The following GOLGA6L9 variants were observed in gnomAD, a reference collection of about 807,000 sequenced individuals.
GOLGA6L9 encodes golgin A6 family like 9, also known as golgin subfamily A member 6-like protein 9.
In GOLGA6L9, 19 loss-of-function variants were observed where a neutral mutation model predicts 51.3. That is an observed-to-expected ratio of 0.37 (90% CI 0.26 to 0.54). The LOEUF (loss-of-function observed/expected upper bound fraction) is 0.54. Among genes scored for constraint, GOLGA6L9 ranks in the 20% least tolerant of loss-of-function variants. GOLGA6L9 has a pLI of 0.83. For synonymous variants in GOLGA6L9, 97 were observed against 184.2 expected (o/e 0.53, Z 3.83); for missense variants, 247 against 464.1 (o/e 0.53, Z 4.30).
upstream of GOLGA6L9, among the ~76,000 whole-genome samples, chr15:82,429,352 G>C (rs1188762512): frequency 6.6e-6 from 1 of 152,136 alleles, no homozygotes; most frequent in Non-Finnish European, 1.5e-5. Flanking sequence ...TGGCATTACA[G>C]GGGTGAGCCA....
chr15:82,423,889 A>G, the GOLGA6L9 span, among the ~76,000 whole-genome samples: 1 of 129,454 alleles, frequency 7.7e-6, no homozygotes, highest in Non-Finnish European at 1.7e-5. Flanking sequence ...GCTGTTTTCC[A>G]TACTAGACCA....
Position 82,429,818 on chromosome 15 carries a change from T to C in GOLGA6L9, c.-262T>C, listed in dbSNP as rs382083. Among the ~76,000 whole-genome samples the C allele has an allele frequency of 0.47, 71,517 of 151,928 alleles. 17,753 individuals are homozygous for C. The highest frequency in any genetic ancestry group is 0.64 in the African/African-American group (26,444 of 41,384). On this transcript the variant is annotated 5_prime_UTR_variant, in exon 1 of 9. Transcript: ENST00000618348. ...CTCCCCTCTCCCAGAGTGGGCGGCC[T>C]CTCCCCTCTCTCTGAGTGGGCGGGG...
the GOLGA6L9 span, among the ~76,000 whole-genome samples, chr15:82,418,233 T>C: frequency 3.3e-5 from 5 of 152,224 alleles, no homozygotes; most frequent in Admixed American, 1.3e-4. Context: ...GTTTAGTCAA[T>C]GCAAGGATGC....
At chr15:82,431,525 G>A (rs2031398704) in intron 1 of GOLGA6L9, 6 of 235,876 alleles carry the variant, frequency 2.5e-5, no homozygotes, top group African/African-American at 1.5e-4. Context: ...CTTAATGTGT[G>A]CTTTTCTACC....
chr15:82,420,429 C>CTT, the GOLGA6L9 span, among the ~76,000 whole-genome samples: 2 of 151,800 alleles, frequency 1.3e-5, no homozygotes, highest in Admixed American at 6.6e-5. Flanking sequence ...TCCTGATGAA[C>CTT]TTTTATGTGC....
Position 82,434,068 on chromosome 15 carries a change from A to C in GOLGA6L9, c.468A>C (p.Pro156=), listed in dbSNP as rs1427344520. ...TGGCCCCACAGCCCCCAGCAGGGCC[A>C]TCTAAGATGGAGCAGCTACAAGATG... The part of the protein sequence containing the change: ...EPLAPQPPAG[P]SKMEQLQDET... Residue 156 remains proline (P), a synonymous_variant, in exon 6 of 9, where the codon CCA becomes CCC. Coordinates refer to ENST00000618348, the MANE Select transcript of GOLGA6L9 (RefSeq NM_198181.4). 1.3e-6 allele frequency: 2 copies of C among 1,493,764 alleles called. No homozygotes were observed. Among genetic ancestry groups the C allele is most frequent in the Admixed American group, 4.2e-5 (2 of 47,470 alleles). 92.5% of individuals were successfully genotyped at this position (1,493,764 alleles called of 1,614,324 possible).
chr15:82,419,374 C>T, the GOLGA6L9 span: 1 of 150,504 alleles, frequency 6.6e-6, no homozygotes, highest in Non-Finnish European at 1.5e-5. Flanking sequence ...GTAGCTCCTA[C>T]TTTCAAGAAT....
the GOLGA6L9 span, chr15:82,418,644 T>G: frequency 1.3e-5 from 2 of 152,232 alleles, no homozygotes; most frequent in Non-Finnish European, 2.9e-5. Context: ...AGAAGTTGTC[T>G]TTGGTTCAGA....
Position 82,434,137 on chromosome 15 carries a change from G to C in GOLGA6L9, c.537G>C (p.Gln179His). The change falls in exon 6 of 9, where the codon CAG (glutamine) becomes CAC (histidine). Residue 179 changes from glutamine to histidine, a missense_variant. Physicochemically the swap from Gln to His is conservative, Grantham distance 24. Coordinates refer to ENST00000618348, the MANE Select transcript of GOLGA6L9 (RefSeq NM_198181.4). Reference sequence around the variant, plus strand: ...AGGAGCTAGAGAGTGTGGGAAGACAGCTCCAGGCTGAGGTGGAAAACAATC... The same window carrying C: ...AGGAGCTAGAGAGTGTGGGAAGACACCTCCAGGCTGAGGTGGAAAACAATC... ...LRKELESVGRQLQAEVENNQM... is the reference protein window; with the variant it reads ...LRKELESVGRHLQAEVENNQM... The C allele has an allele frequency of 6.5e-7, 1 of 1,533,408 alleles. No individual in the cohort carries two copies. The allele number at this position is 1,533,408 out of a possible 1,614,324, so 95.0% of individuals were successfully genotyped here. A position where few individuals can be genotyped will look rare whatever the true frequency, so the allele number is the denominator to read the frequency against.
chr15:82,416,251 T>G, the GOLGA6L9 span, among the ~76,000 whole-genome samples: 1 of 152,156 alleles, frequency 6.6e-6, no homozygotes, highest in African/African-American at 2.4e-5. Context: ...GTAGGATTCA[T>G]GTAGAAGAGT....
Position 82,436,451 on chromosome 15 carries a change from A to C in GOLGA6L9, c.*40A>C, listed in dbSNP as rs2031680376. On this transcript the variant is annotated 3_prime_UTR_variant, in exon 9 of 9. Coordinates refer to ENST00000618348, the MANE Select transcript of GOLGA6L9 (RefSeq NM_198181.4). The stretch of plus-strand genomic sequence containing the variant: ...ATTGAAAAAAAAAAACAAAACATTT[A>C]AGGGGTTAATATCCTACACAATTCA... 1.3e-6 allele frequency: 2 copies of C among 1,515,096 alleles called. No homozygotes were observed. Among genetic ancestry groups the C allele is most frequent in the Non-Finnish European group, 1.8e-6 (2 of 1,111,204 alleles). The allele number at this position is 1,515,096 out of a possible 1,614,324, so 93.9% of individuals were successfully genotyped here.
the GOLGA6L9 span, among the ~76,000 whole-genome samples, chr15:82,418,477 A>G: frequency 1.3e-5 from 2 of 152,258 alleles, no homozygotes; most frequent in Admixed American, 6.5e-5. Context: ...TTCTAAAACT[A>G]TCATTCCCTT....
At chr15:82,429,215 CA>C (rs1208937044), upstream of GOLGA6L9, among the ~76,000 whole-genome samples, 1 of 151,620 alleles carries the variant, frequency 6.6e-6, no homozygotes, top group Non-Finnish European at 1.5e-5. Flanking sequence ...GCTGGGATTA[CA>C]AGCACCCACC....
the GOLGA6L9 span, among the ~76,000 whole-genome samples, chr15:82,418,271 C>T: frequency 6.6e-6 from 1 of 152,174 alleles, no homozygotes. Context: ...GGAAGATGCG[C>T]AGGCTAGAGT....
upstream of GOLGA6L9, among the ~76,000 whole-genome samples, chr15:82,429,813 C>T (rs1175986259): frequency 6.6e-5 from 10 of 152,112 alleles, no homozygotes; most frequent in African/African-American, 1.9e-4. Flanking sequence ...CCAGAGTGGG[C>T]GGCCTCTCCC....
chr15:82,433,011 G>A (rs2150827905), intron 4 of GOLGA6L9, 114 bp downstream of exon 4: 1 of 1,028,330 alleles, frequency 9.7e-7, no homozygotes, highest in African/African-American at 1.6e-5. Context: ...CAAATGGGGA[G>A]CTGGGCACCC....
intron 2 of GOLGA6L9, 106 bp from the exon 3 acceptor site, chr15:82,432,466 G>C (rs1317293939): frequency 1.4e-6 from 2 of 1,407,478 alleles, no homozygotes; most frequent in Non-Finnish European, 1.9e-6. Context: ...TTCCAAGATA[G>C]GCAGAAAAGA....
rs2150829696 is a variant in GOLGA6L9 at position 82,434,318 on chromosome 15, G to T, written c.718G>T (p.Glu240Ter). 4 of 1,544,096 alleles carry T rather than the reference G, an allele frequency of 2.6e-6. No individual in the cohort carries two copies. The East Asian group carries it at 9.5e-5, about 37-fold the overall frequency. ...ACAGGAGGAGAGGCTGTGTGAACAG[G>T]AGAAGCTGCCAGGGCAGGAGAGGCT... ...REQEERLCEQ[E>*]KLPGQERLLE... is the part of the protein sequence containing the mutation. Residue 240 changes from glutamate (E) to a stop codon, truncating the protein, a stop_gained, in exon 6 of 9, where the codon GAG becomes TAG. Coordinates refer to ENST00000618348, the MANE Select transcript of GOLGA6L9 (RefSeq NM_198181.4). LOFTEE classifies it high-confidence loss of function.
At chr15:82,429,659 A>C (rs1269977497), upstream of GOLGA6L9, among the ~76,000 whole-genome samples, 1 of 152,206 alleles carries the variant, frequency 6.6e-6, no homozygotes, top group African/African-American at 2.4e-5. Flanking sequence ...GACTTTGCAT[A>C]GAAGCTGCAT....
Sources: allele counts gnomAD v4.1 joint callset (sites outside exome capture counted in the v4.1 genomes callset), GRCh38; gene constraint gnomAD v4.1.1; transcripts MANE v1.5; gene names NCBI Gene and HGNC (gene_info 2026-07-23, HGNC 2026-07-21).